Variants in TBC1D1 observed in about 807,000 individuals in gnomAD.
The protein encoded by TBC1D1 is TBC1 (tre-2/USP6, BUB2, cdc16) domain family, member 1.
In TBC1D1, 89 loss-of-function variants were observed where a neutral mutation model predicts 125.6. The ratio of observed to expected loss-of-function variants is 0.71; its 90% CI spans 0.60 to 0.85. The LOEUF (loss-of-function observed/expected upper bound fraction) is 0.85, where lower values mean the gene tolerates loss of function less well. TBC1D1 is among the 40% of genes least tolerant of loss of function. The probability of loss-of-function intolerance (pLI) is 0.00; values close to 1 mark genes in which losing one functional copy is unlikely to be tolerated. For missense variants in TBC1D1, 1,377 were observed against 1,469.2 expected (o/e 0.94, Z 1.03); for synonymous variants, 565 against 564.1 (o/e 1.00, Z -0.02).
chr4:38,120,149 C>T (rs1578811702), intron 17 of TBC1D1: 1 of 974,350 alleles, frequency 1.0e-6, no homozygotes, highest in Non-Finnish European at 1.2e-6. Context: ...AGTGGTGAGA[C>T]TCGGAGTTTC....
At chr4:38,043,605 G>C (rs1487113563) in intron 8 of TBC1D1, among the ~76,000 whole-genome samples, 1 of 127,100 alleles carries the variant, frequency 7.9e-6, no homozygotes, top group East Asian at 2.5e-4. Context: ...AAAAAAAAAA[G>C]TACCTCCTTG....
rs762903397 is a variant in TBC1D1 at position 37,960,839 on chromosome 4, G to C, written c.418-53670G>C. 6.2e-7 allele frequency: 1 copy of C among 1,614,206 alleles called. No homozygotes were observed. The highest frequency in any genetic ancestry group is 8.5e-7 in the Non-Finnish European group (1 of 1,180,028). On this transcript the variant is annotated intron_variant, in intron 2 of 19. Coordinates refer to ENST00000261439, the MANE Select transcript of TBC1D1 (RefSeq NM_015173.4). ...GTTTTGACCTGCCTGAAGAGCGCCA[G>C]ATTGCACACCTCCCCTTGAGTGGAG... is the stretch of plus-strand genomic sequence containing the variant.
At chr4:38,036,868 C>G (rs559978380) in intron 8 of TBC1D1, among the ~76,000 whole-genome samples, 1 of 152,286 alleles carries the variant, frequency 6.6e-6, no homozygotes, top group Non-Finnish European at 1.5e-5. Context: ...CAACCTGTAC[C>G]CTTAAGATAG....
chr4:37,994,092 C>G (rs1737242118), intron 2 of TBC1D1, among the ~76,000 whole-genome samples: 1 of 152,164 alleles, frequency 6.6e-6, no homozygotes, highest in Non-Finnish European at 1.5e-5. Flanking sequence ...TGGAGGGAAC[C>G]TGCTCAGGAG....
intron 2 of TBC1D1, among the ~76,000 whole-genome samples, chr4:37,931,297 G>C (rs893297096): frequency 1.3e-5 from 2 of 151,764 alleles, no homozygotes; most frequent in Non-Finnish European, 1.5e-5. Flanking sequence ...GGGTTTTGCT[G>C]TGTTGGCCAG....
chr4:37,985,603 T>C (rs1335893666), intron 2 of TBC1D1, among the ~76,000 whole-genome samples: 1 of 152,232 alleles, frequency 6.6e-6, no homozygotes, highest in Non-Finnish European at 1.5e-5. Context: ...AAATAGTTCC[T>C]ATTTTAAAAT....
intron 2 of TBC1D1, among the ~76,000 whole-genome samples, chr4:37,948,485 A>G (rs1182817322): frequency 6.6e-6 from 1 of 151,912 alleles, no homozygotes; most frequent in Non-Finnish European, 1.5e-5. Flanking sequence ...AAATTTGCTG[A>G]GCGTGGTGGC....
At chr4:38,018,331 G>C (rs963168667) in intron 3 of TBC1D1, 23 bp from the exon 4 acceptor site, 1 of 1,569,214 alleles carries the variant, frequency 6.4e-7, no homozygotes, top group Non-Finnish European at 8.7e-7. Flanking sequence ...TGAAAAGCTA[G>C]ATTTTTTTGT....
At chr4:38,068,752 C>T (rs1274040472) in intron 12 of TBC1D1, among the ~76,000 whole-genome samples, 1 of 152,186 alleles carries the variant, frequency 6.6e-6, no homozygotes, top group Non-Finnish European at 1.5e-5. Context: ...AAGCAGAGCT[C>T]AAGAACATTC....
At chr4:38,083,832 C>T (rs1221532544) in intron 12 of TBC1D1, among the ~76,000 whole-genome samples, 1 of 151,914 alleles carries the variant, frequency 6.6e-6, no homozygotes, top group Non-Finnish European at 1.5e-5. Context: ...TTTTGGTAGT[C>T]TTGTACTTCT....
chr4:37,975,364 G>A (rs1732851208), intron 2 of TBC1D1, among the ~76,000 whole-genome samples: 1 of 152,214 alleles, frequency 6.6e-6, no homozygotes, highest in Non-Finnish European at 1.5e-5. Flanking sequence ...AGGATGGAAC[G>A]TGAAGGCAGA....
chr4:38,048,292 T>G (rs1013301105), intron 10 of TBC1D1, among the ~76,000 whole-genome samples: 21 of 152,214 alleles, frequency 1.4e-4, no homozygotes, highest in Non-Finnish European at 2.9e-5. Flanking sequence ...GGGTTAGCTC[T>G]TTGATATGAT....
chr4:38,085,022 G>C (rs1757232616), intron 12 of TBC1D1, among the ~76,000 whole-genome samples: 1 of 152,196 alleles, frequency 6.6e-6, no homozygotes, highest in Non-Finnish European at 1.5e-5. Flanking sequence ...ATAGGAGGTG[G>C]TGTGCACGTT....
intron 13 of TBC1D1, among the ~76,000 whole-genome samples, chr4:38,095,165 T>C (rs1284757098): frequency 6.6e-6 from 1 of 152,170 alleles, no homozygotes; most frequent in Non-Finnish European, 1.5e-5. Flanking sequence ...GCACTGGGCT[T>C]AGAGTCACTT....
At chr4:37,897,989 A>G (rs1715011158) in intron 1 of TBC1D1, among the ~76,000 whole-genome samples, 1 of 152,254 alleles carries the variant, frequency 6.6e-6, no homozygotes, top group South Asian at 2.1e-4. Flanking sequence ...AGCTGTAAAT[A>G]AAGTATTGCT....
At chr4:38,071,112 A>G (rs1316247944) in intron 12 of TBC1D1, among the ~76,000 whole-genome samples, 1 of 152,232 alleles carries the variant, frequency 6.6e-6, no homozygotes, top group African/African-American at 2.4e-5. Context: ...AAGCCCCCAA[A>G]GGTACAGATA....
intron 2 of TBC1D1, among the ~76,000 whole-genome samples, chr4:37,933,956 G>T (rs528539168): frequency 1.3e-5 from 2 of 152,336 alleles, no homozygotes; most frequent in South Asian, 4.1e-4. Flanking sequence ...AGGCTGGAAG[G>T]TGGGGGATCC....
At chr4:37,994,200 G>A (rs1038154044) in intron 2 of TBC1D1, among the ~76,000 whole-genome samples, 3 of 152,230 alleles carry the variant, frequency 2.0e-5, no homozygotes, top group African/African-American at 7.2e-5. Flanking sequence ...AGGGATGCCT[G>A]ACTCCTCAAG....
chr4:38,074,225 G>C (rs746657348), intron 12 of TBC1D1, among the ~76,000 whole-genome samples: 1 of 152,200 alleles, frequency 6.6e-6, no homozygotes, highest in Non-Finnish European at 1.5e-5. Flanking sequence ...TGAAAAGCAG[G>C]CATTGGGGGC....
Sources: allele counts gnomAD v4.1 joint callset (sites outside exome capture counted in the v4.1 genomes callset), GRCh38; gene constraint gnomAD v4.1.1; transcripts MANE v1.5; gene names NCBI Gene and HGNC (gene_info 2026-07-23, HGNC 2026-07-21).